ANK2: variants seen among roughly 807,000 people sequenced by gnomAD.
ANK2 encodes ankyrin-2.
A neutral mutation model predicts 360.5 loss-of-function variants in ANK2; 83 were observed. The ratio of observed to expected loss-of-function variants is 0.23; its 90% confidence interval spans 0.19 to 0.28. The LOEUF is 0.28. Among genes scored for constraint, ANK2 ranks in the 10% least tolerant of loss-of-function variants. The pLI is 1.00. For missense variants in ANK2, 4,201 were observed against 4,795.7 expected (o/e 0.88, Z 3.66); for synonymous variants, 1,740 against 1,759.5 (o/e 0.99, Z 0.28).
intron 23 of ANK2, among the ~76,000 whole-genome samples, chr4:113,303,691 G>A (rs2075979121): frequency 6.6e-6 from 1 of 152,046 alleles, no homozygotes; most frequent in African/African-American, 2.4e-5. Flanking sequence ...AAATTTGCAA[G>A]CATTTCTTTA....
At chr4:112,725,404 A>G in the ANK2 span, among the ~76,000 whole-genome samples, 4 of 91,238 alleles carry the variant, frequency 4.4e-5, no homozygotes, top group Non-Finnish European at 5.9e-5. Flanking sequence ...TGTGTCGCCC[A>G]GGCTGGAGTG....
At chr4:112,755,177 G>A in the ANK2 span, among the ~76,000 whole-genome samples, 1 of 152,264 alleles carries the variant, frequency 6.6e-6, no homozygotes, top group Non-Finnish European at 1.5e-5. Context: ...AAACTGGATT[G>A]TCCTGTGTCA....
chr4:112,882,012 A>G, intron 1 of ANK2: 1 of 515,856 alleles, frequency 1.9e-6, no homozygotes, highest in East Asian at 3.5e-5. Flanking sequence ...TTGCATGTCT[A>G]CTTACCACAC....
rs960982582 is a variant in ANK2, at chr4:112,865,447, A to G, written c.-39-39008A>G. Among the ~76,000 whole-genome samples, 72 of 152,202 alleles carry G rather than the reference A, an allele frequency of 4.7e-4. 1 individual carries two copies. Among genetic ancestry groups the G allele is most frequent in the Non-Finnish European group, 5.0e-4 (34 of 68,028 alleles). ...CAGGTTTTAAAGACTTCTTCTTTTA[A>G]AAAGATTTCTGAGTATATGAAAAGT... On this transcript the variant is annotated intron_variant, in intron 1 of 30. Coordinates refer to the ANK2 transcript ENST00000503271.
chr4:113,231,323 A>C (rs1186989438), intron 4 of ANK2, among the ~76,000 whole-genome samples: 1 of 152,114 alleles, frequency 6.6e-6, no homozygotes, highest in Non-Finnish European at 1.5e-5. Flanking sequence ...AAGTGCTGGG[A>C]TTACAGGCGT....
intron 1 of ANK2, among the ~76,000 whole-genome samples, chr4:113,102,521 A>G (rs984537024): frequency 6.6e-6 from 1 of 152,190 alleles, no homozygotes; most frequent in East Asian, 1.9e-4. Flanking sequence ...GAAGAGAGGA[A>G]GCCCCAGGAC....
At chr4:113,229,525 G>A (rs920305410) in intron 4 of ANK2, among the ~76,000 whole-genome samples, 1 of 152,192 alleles carries the variant, frequency 6.6e-6, no homozygotes. Context: ...AGGTTCCAGA[G>A]ATTAGGATGT....
chr4:113,021,541 C>CACACACAT lies in ANK2; in HGVS notation c.21+117028_21+117029insCACACATA, dbSNP rs1489947974. ...ATACACACACACACCCACACACAAA[C>CACACACAT]ATATATATATATATATATATATATA... On this transcript the variant is annotated intron_variant, in intron 2 of 30. Coordinates refer to the ANK2 transcript ENST00000503271. Among the ~76,000 whole-genome samples the CACACACAT allele has an allele frequency of 2.0e-4, 19 of 95,634 alleles. 1 individual carries two copies. The East Asian group carries it at 2.4e-3, about 12-fold the overall frequency. 62.7% of individuals were successfully genotyped at this position (95,634 alleles called of 152,430 possible).
intron 2 of ANK2, among the ~76,000 whole-genome samples, chr4:113,177,242 G>A (rs868495671): frequency 4.4e-4 from 67 of 151,996 alleles, no homozygotes; most frequent in African/African-American, 1.5e-3. Flanking sequence ...CACCACGCCC[G>A]GCTAATTTTT....
intron 1 of ANK2, among the ~76,000 whole-genome samples, chr4:112,903,044 A>G (rs984598407): frequency 2.6e-5 from 4 of 152,074 alleles, no homozygotes; most frequent in African/African-American, 9.7e-5. Context: ...GAGAGTGAAA[A>G]CCCTCTGGAC....
rs1322621392 is a variant in ANK2, at chr4:112,841,952, A to G, written c.-40+23688A>G. ...ATGTGCTTCTTATTAAACAAATCCA[A>G]TAGAAGAAGACGTCTTTGAAGAGGT... is the stretch of plus-strand genomic sequence containing the variant. On this transcript the variant is annotated intron_variant, in intron 1 of 30. Transcript: ENST00000503271. Among the ~76,000 whole-genome samples the G allele has an allele frequency of 3.3e-5, 5 of 152,174 alleles. No individual in the cohort carries two copies. In the South Asian group the frequency reaches 8.3e-4, roughly 25 times the overall value.
intron 2 of ANK2, among the ~76,000 whole-genome samples, chr4:112,920,840 C>T (rs932621806): frequency 1.3e-5 from 2 of 151,998 alleles, no homozygotes; most frequent in Admixed American, 1.3e-4. Context: ...CTCTCTTGTG[C>T]CTCACCTCCC....
At chr4:113,108,356 C>T (rs575463482) in intron 1 of ANK2, among the ~76,000 whole-genome samples, 34 of 152,244 alleles carry the variant, frequency 2.2e-4, no homozygotes, top group Non-Finnish European at 4.7e-4. Flanking sequence ...TCTTACAAAG[C>T]ATGCATCGTA....
At chr4:112,829,556 A>C (rs564728956) in intron 1 of ANK2, among the ~76,000 whole-genome samples, 1 of 150,998 alleles carries the variant, frequency 6.6e-6, no homozygotes, top group Admixed American at 6.7e-5. Context: ...GAAGACACAC[A>C]GGCGGCCAAC....
At chr4:113,307,725 C>A (rs1167107795) in intron 23 of ANK2, among the ~76,000 whole-genome samples, 2 of 152,130 alleles carry the variant, frequency 1.3e-5, no homozygotes, top group Admixed American at 6.6e-5. Context: ...TAAGTTATTC[C>A]CATGCTATTG....
chr4:112,754,911 G>A, the ANK2 span, among the ~76,000 whole-genome samples: 18 of 152,110 alleles, frequency 1.2e-4, no homozygotes, highest in African/African-American at 3.9e-4. Context: ...CACTGGAGGA[G>A]GGAGAAAGAT....
intron 18 of ANK2, 35 bp from the exon 19 acceptor site, chr4:113,287,570 T>C (rs558142453): frequency 6.9e-7 from 1 of 1,454,792 alleles, no homozygotes; most frequent in East Asian, 2.3e-5. Flanking sequence ...ATTTTCTTCT[T>C]CAACTGTATC....
chr4:113,288,239 A>G, intron 19 of ANK2, 149 bp from the exon 20 acceptor site: 1 of 694,790 alleles, frequency 1.4e-6, no homozygotes, highest in Non-Finnish European at 2.4e-6. Context: ...GGTCAGGGGC[A>G]CATATATAAT....
At chr4:113,151,048 C>T (rs933367199) in intron 1 of ANK2, 1 of 1,275,108 alleles carries the variant, frequency 7.8e-7, no homozygotes, top group Non-Finnish European at 1.0e-6. Flanking sequence ...CCCAAAGTAG[C>T]AAATCTATTT....
Sources: gnomAD v4.1 joint callset for allele counts (sites outside exome capture counted in the v4.1 genomes callset) on GRCh38, gnomAD v4.1.1 for gene constraint, MANE v1.5 for transcripts, NCBI Gene and HGNC (gene_info 2026-07-23, HGNC 2026-07-21) for gene names.